The following IP6K2 variants were observed in gnomAD, a reference collection of about 807,000 sequenced individuals.
The protein encoded by IP6K2 is ATP:1D-myo-inositol-hexakisphosphate phosphotransferase.
Under a neutral mutation model 43.3 loss-of-function variants are expected in IP6K2, and 9 were observed. The ratio of observed to expected loss-of-function variants is 0.21; its 90% CI spans 0.13 to 0.36. The LOEUF (loss-of-function observed/expected upper bound fraction) is 0.36, where lower values mean the gene tolerates loss of function less well. Ranked by LOEUF, IP6K2 falls within the 10% of genes least tolerant of loss-of-function variation. The pLI is 1.00. For synonymous variants in IP6K2, 209 were observed against 202.4 expected (o/e 1.03, Z -0.28); for missense variants, 332 against 538.4 (o/e 0.62, Z 3.79).
intron 1 of IP6K2, among the ~76,000 whole-genome samples, chr3:48,699,962 G>A (rs948329839): frequency 2.0e-5 from 3 of 152,142 alleles, no homozygotes; most frequent in Non-Finnish European, 2.9e-5. Context: ...GGCCAAGATG[G>A]GAAGATTGCT....
chr3:48,716,877 C>T (rs566537200), intron 1 of IP6K2, among the ~76,000 whole-genome samples: 1 of 152,100 alleles, frequency 6.6e-6, no homozygotes, highest in Non-Finnish European at 1.5e-5. Context: ...TGCCCTCCCC[C>T]AAACCCGGGA....
intron 1 of IP6K2, among the ~76,000 whole-genome samples, chr3:48,710,450 T>A (rs982957423): frequency 3.3e-5 from 5 of 152,180 alleles, no homozygotes; most frequent in African/African-American, 1.2e-4. Flanking sequence ...AACAAGGTAC[T>A]TCCAGTTTTA....
At chr3:48,712,064 A>G (rs768631845) in intron 1 of IP6K2, among the ~76,000 whole-genome samples, 1 of 152,048 alleles carries the variant, frequency 6.6e-6, no homozygotes, top group African/African-American at 2.4e-5. Context: ...TTAATCCCCA[A>G]ACAAATGTGG....
At chr3:48,693,233 GTAAGTAACATGA>G (rs754646265) in intron 2 of IP6K2, 54 bp from the exon 3 acceptor site, 1 of 1,430,186 alleles carries the variant, frequency 7.0e-7, no homozygotes, top group Admixed American at 1.7e-5. Context: ...AAGAAGCGTT[GTAAGTAACATGA>G]TTGTAACATT....
intron 1 of IP6K2, among the ~76,000 whole-genome samples, chr3:48,714,392 T>G (rs1199740714): frequency 1.3e-5 from 2 of 151,252 alleles, no homozygotes; most frequent in African/African-American, 2.4e-5. Flanking sequence ...TTTTTGTGTG[T>G]GTGTGTGTGT....
At chr3:48,707,877 C>T (rs1356722309) in intron 1 of IP6K2, among the ~76,000 whole-genome samples, 2 of 152,176 alleles carry the variant, frequency 1.3e-5, no homozygotes, top group East Asian at 3.8e-4. Flanking sequence ...ATAAGGGACA[C>T]AGTAGCCTCT....
chr3:48,714,641 T>C (rs377227747), intron 1 of IP6K2, among the ~76,000 whole-genome samples: 60 of 152,280 alleles, frequency 3.9e-4, no homozygotes, highest in African/African-American at 1.4e-3. Flanking sequence ...TCCAACCGCC[T>C]TGGCCTCCCA....
At chr3:48,703,298 A>G (rs757422624) in intron 1 of IP6K2, among the ~76,000 whole-genome samples, 5 of 152,240 alleles carry the variant, frequency 3.3e-5, no homozygotes, top group Middle Eastern at 3.2e-3. Flanking sequence ...CAAGATTTCA[A>G]TTCTATCACA....
intron 1 of IP6K2, among the ~76,000 whole-genome samples, chr3:48,710,672 G>C (rs1575755947): frequency 6.6e-6 from 1 of 151,834 alleles, no homozygotes; most frequent in South Asian, 2.1e-4. Flanking sequence ...TGCAGTGGCG[G>C]GATCTCGGCT....
chr3:48,694,788 C>A (rs766904497), intron 2 of IP6K2: 4 of 1,535,562 alleles, frequency 2.6e-6, no homozygotes, highest in African/African-American at 1.4e-5. Context: ...ACCGTCCCCC[C>A]AGTGGGGGAC....
In IP6K2 at chr3:48,688,330, G is replaced by A. The variant is rs1276398703; in HGVS notation, c.1224C>T (p.Phe408=). ...CAATGTCTATCAGGCTCTGGAGCCCGAAGATATAGCCAGCATCCTGGCCCT... is the reference window on the plus strand; with the variant it reads ...CAATGTCTATCAGGCTCTGGAGCCCAAAGATATAGCCAGCATCCTGGCCCT... ...VHEGQDAGYI[F]GLQSLIDIVT... Residue 408 remains phenylalanine (F), a synonymous_variant, in exon 6 of 6, where the codon TTC becomes TTT. Coordinates refer to ENST00000328631, the MANE Select transcript of IP6K2 (RefSeq NM_016291.4). The surrounding 1 kb of genome is among the most constrained non-coding windows in gnomAD (Gnocchi z 5.1). 6 of 1,614,206 alleles carry A rather than the reference G, an allele frequency of 3.7e-6. No individual in the cohort carries two copies. Among genetic ancestry groups the A allele is most frequent in the South Asian group, 3.3e-5 (3 of 91,088 alleles).
chr3:48,688,769 T>C lies in IP6K2; in HGVS notation c.785A>G (p.Tyr262Cys). ...IGVRVCGMQVYQAGSGQLMFM... is the reference protein window; with the variant it reads ...IGVRVCGMQVCQAGSGQLMFM... ...CATGAGCTGCCCACTGCCTGCTTGGTACACCTGTAGGAGAGAGACCAGCAA... is the reference window on the plus strand; with the variant it reads ...CATGAGCTGCCCACTGCCTGCTTGGCACACCTGTAGGAGAGAGACCAGCAA... Residue 262 changes from tyrosine (Y) to cysteine (C), a missense_variant, in exon 6 of 6, where the codon TAC becomes TGC. By Grantham distance (194) the Tyr-to-Cys change is radical. Transcript: ENST00000328631. The surrounding 1 kb of genome is among the most constrained non-coding windows in gnomAD (Gnocchi z 5.1). 6.2e-7 allele frequency: 1 copy of C among 1,607,680 alleles called. No individual in the cohort carries two copies. The highest frequency in any genetic ancestry group is 8.5e-7 in the Non-Finnish European group (1 of 1,176,374).
chr3:48,708,373 G>A (rs918392213), intron 1 of IP6K2: 2 of 152,016 alleles, frequency 1.3e-5, no homozygotes, highest in Admixed American at 1.3e-4. Flanking sequence ...TTGATTCTAA[G>A]GTCTCATATG....
At chr3:48,700,367 CT>C (rs1403021748) in intron 1 of IP6K2, among the ~76,000 whole-genome samples, 2 of 151,706 alleles carry the variant, frequency 1.3e-5, no homozygotes, top group Non-Finnish European at 2.9e-5. Context: ...AGTGTGATCT[CT>C]AAGGTCTAAA....
At chr3:48,692,913 C>A (rs1296182025) in intron 3 of IP6K2, 41 bp downstream of exon 3, 1 of 1,461,452 alleles carries the variant, frequency 6.8e-7, no homozygotes, top group Non-Finnish European at 9.5e-7. Flanking sequence ...CCAACACTTC[C>A]CCTCCCACAT....
chr3:48,689,116 C>CT (rs1186253589), intron 5 of IP6K2, among the ~76,000 whole-genome samples: 1 of 152,220 alleles, frequency 6.6e-6, no homozygotes, highest in Non-Finnish European at 1.5e-5. Context: ...TGCATGCTTT[C>CT]TTTTTTAACC....
intron 1 of IP6K2, among the ~76,000 whole-genome samples, chr3:48,714,054 T>C (rs929526443): frequency 2.6e-5 from 4 of 152,088 alleles, no homozygotes; most frequent in Admixed American, 6.5e-5. Context: ...GAGGCGAAGG[T>C]TGTAGTGAGC....
In IP6K2 at chr3:48,694,338, C is replaced by G. The variant is rs961513406; in HGVS notation, c.202+752G>C. 26 of 1,547,812 alleles carry G rather than the reference C, an allele frequency of 1.7e-5. No individual in the cohort carries two copies. In the Admixed American group the frequency reaches 4.9e-4, roughly 29 times the overall value. ...TATTCAGAGTACAGAGAAAGGCACC[C>G]AGTACATTCTGTCCTTAAAGACAAT... On this transcript the variant is annotated intron_variant, in intron 2 of 5. Transcript: ENST00000328631.
At chr3:48,708,119 C>A (rs2080032178) in intron 1 of IP6K2, 1 of 151,880 alleles carries the variant, frequency 6.6e-6, no homozygotes, top group African/African-American at 2.4e-5. Context: ...ATGGCGCATA[C>A]CTGTGGTCCC....
Sources: gnomAD v4.1 joint callset for allele counts (sites outside exome capture counted in the v4.1 genomes callset) on GRCh38, gnomAD v4.1.1 for gene constraint, Gnocchi (gnomAD v3.1) non-coding constraint, MANE v1.5 for transcripts, NCBI Gene and HGNC (gene_info 2026-07-23, HGNC 2026-07-21) for gene names.